The following SMAP1 variants were observed in gnomAD, a reference collection of about 807,000 sequenced individuals.
The protein encoded by SMAP1 is small ArfGAP 1, also known as stromal membrane-associated protein 1.
Under a neutral mutation model 58.5 loss-of-function variants are expected in SMAP1, and 24 were observed. The ratio of observed to expected loss-of-function variants is 0.41; its 90% CI spans 0.30 to 0.58. The LOEUF is 0.58. Among genes scored for constraint, SMAP1 ranks in the 20% least tolerant of loss-of-function variants. The pLI is 0.29. For missense variants in SMAP1, 563 were observed against 566.3 expected (o/e 0.99, Z 0.06); for synonymous variants, 216 against 196.6 (o/e 1.10, Z -0.82).
chr6:70,679,343 A>G (rs1368356281), intron 1 of SMAP1, among the ~76,000 whole-genome samples: 3 of 152,146 alleles, frequency 2.0e-5, no homozygotes, highest in Non-Finnish European at 4.4e-5. Context: ...TATAAGTGGT[A>G]CAGAGTTGGG....
intron 1 of SMAP1, among the ~76,000 whole-genome samples, chr6:70,724,517 ACTT>A (rs1322910604): frequency 6.6e-6 from 1 of 152,208 alleles, no homozygotes; most frequent in African/African-American, 2.4e-5. Context: ...TGTTCTGTGA[ACTT>A]ATTTTTTTGA....
At chr6:70,856,688 A>G (rs552969152) in intron 8 of SMAP1, 171 bp from the exon 9 acceptor site, 1 of 534,492 alleles carries the variant, frequency 1.9e-6, no homozygotes, top group East Asian at 3.0e-5. Context: ...TTGATTGTAG[A>G]TGTTTTTATA....
intron 1 of SMAP1, among the ~76,000 whole-genome samples, chr6:70,695,343 C>T (rs1172783807): frequency 2.6e-5 from 4 of 152,188 alleles, no homozygotes; most frequent in African/African-American, 9.7e-5. Context: ...TGACAGTGGG[C>T]ATCCTTGTCT....
At chr6:70,736,095 T>G (rs186492469) in intron 2 of SMAP1, among the ~76,000 whole-genome samples, 3 of 152,306 alleles carry the variant, frequency 2.0e-5, no homozygotes, top group African/African-American at 7.2e-5. Context: ...TGTACCATAT[T>G]TTTATCTGTT....
rs367987779 is a variant in SMAP1, at chr6:70,807,322, T to C, written c.576+8585T>C. 2.6e-5 allele frequency among the ~76,000 whole-genome samples: 4 copies of C among 152,322 alleles called. No individual in the cohort carries two copies. The East Asian group carries it at 5.8e-4, about 22-fold the overall frequency. On this transcript the variant is annotated intron_variant, in intron 6 of 10. Transcript: ENST00000370455. ...TACTTTTTTTCTGGGAGGAGAAAGG[T>C]AAAACCTAAAAATGTAATGAGTCAA...
intron 1 of SMAP1, 109 bp from the exon 2 acceptor site, chr6:70,732,269 G>A: frequency 8.2e-7 from 1 of 1,225,142 alleles, no homozygotes. Context: ...TGTGACTTCT[G>A]TAAGCTTCCA....
intron 6 of SMAP1, among the ~76,000 whole-genome samples, chr6:70,835,463 T>C (rs1184788011): frequency 2.0e-5 from 3 of 152,146 alleles, no homozygotes; most frequent in Non-Finnish European, 4.4e-5. Flanking sequence ...GAAATGATCT[T>C]GAAATGGTTT....
chr6:70,861,728 T>A lies in SMAP1; in HGVS notation c.*1394T>A. On this transcript the variant is annotated 3_prime_UTR_variant, in exon 11 of 11. Transcript: ENST00000370455. ...TCGTTGGCTAGATTAACCTTCTCTG[T>A]CCGAGTGTGCCACACGAGAACCTGA... 4 of 1,614,126 alleles carry A rather than the reference T, an allele frequency of 2.5e-6. No homozygotes were observed. The highest frequency in any genetic ancestry group is 3.4e-6 in the Non-Finnish European group (4 of 1,179,984).
chr6:70,781,879 T>C (rs770462807), intron 4 of SMAP1, among the ~76,000 whole-genome samples: 3 of 152,190 alleles, frequency 2.0e-5, no homozygotes, highest in Non-Finnish European at 4.4e-5. Flanking sequence ...ATTGTAGTGT[T>C]CTGGGAGTTT....
chr6:70,807,328 C>T (rs1366390054), intron 6 of SMAP1, among the ~76,000 whole-genome samples: 1 of 152,070 alleles, frequency 6.6e-6, no homozygotes. Context: ...AAGGTAAAAC[C>T]TAAAAATGTA....
chr6:70,783,335 A>C (rs1767846323), intron 4 of SMAP1, among the ~76,000 whole-genome samples: 1 of 152,202 alleles, frequency 6.6e-6, no homozygotes, highest in South Asian at 2.1e-4. Context: ...AAGTAGATGA[A>C]ACCACAAAGA....
chr6:70,828,107 A>C (rs540054814), intron 6 of SMAP1, among the ~76,000 whole-genome samples: 10 of 152,272 alleles, frequency 6.6e-5, no homozygotes, highest in Non-Finnish European at 1.0e-4. Flanking sequence ...AAATACAAAC[A>C]GATATAGTAA....
intron 1 of SMAP1, among the ~76,000 whole-genome samples, chr6:70,716,868 A>G (rs1768289306): frequency 6.6e-6 from 1 of 151,966 alleles, no homozygotes; most frequent in Non-Finnish European, 1.5e-5. Flanking sequence ...AGTTTCTGAA[A>G]ATTTACCTGG....
chr6:70,791,835 T>C, intron 5 of SMAP1, 66 bp downstream of exon 5: 2 of 1,364,522 alleles, frequency 1.5e-6, no homozygotes, highest in Non-Finnish European at 2.1e-6. Context: ...CCTTTTGCAG[T>C]GTGTCATTCG....
rs1765469894 is a variant in SMAP1, at chr6:70,732,518, A to G, written c.252+7A>G. ...GACAGCAGAACAGATACAGGTAAAC[A>G]TGACGTTACCAAGAAATTATTTAAA... On this transcript the variant is annotated splice_region_variant and intron_variant, in intron 2 of 10. Coordinates refer to ENST00000370455, the MANE Select transcript of SMAP1 (RefSeq NM_001044305.3). The G allele has an allele frequency of 2.0e-6, 3 of 1,518,260 alleles. No homozygotes were observed. The highest frequency in any genetic ancestry group is 2.3e-5 in the East Asian group (1 of 42,658). The allele number at this position is 1,518,260 out of a possible 1,614,324, so 94.0% of individuals were successfully genotyped here. A position where few individuals can be genotyped will look rare whatever the true frequency, so the allele number is the denominator to read the frequency against.
chr6:70,783,840 A>G (rs528000615), intron 4 of SMAP1, among the ~76,000 whole-genome samples: 2 of 152,338 alleles, frequency 1.3e-5, no homozygotes, highest in Middle Eastern at 3.4e-3. Context: ...TGTACCTGAA[A>G]GTGACGGGGA....
At chr6:70,736,790 G>A (rs1354837502) in intron 2 of SMAP1, among the ~76,000 whole-genome samples, 2 of 151,986 alleles carry the variant, frequency 1.3e-5, no homozygotes, top group African/African-American at 2.4e-5. Flanking sequence ...TCATTTCTCC[G>A]ACAAGTCCAA....
intron 1 of SMAP1, among the ~76,000 whole-genome samples, chr6:70,701,964 T>C (rs1200447921): frequency 6.6e-6 from 1 of 152,192 alleles, no homozygotes. Flanking sequence ...ATTTCACCTT[T>C]GTTTTCAAAA....
At chr6:70,722,792 GTTTAAGAACGCC>G (rs1380591334) in intron 1 of SMAP1, among the ~76,000 whole-genome samples, 2 of 152,374 alleles carry the variant, frequency 1.3e-5, no homozygotes, top group Non-Finnish European at 2.9e-5. Flanking sequence ...ATTTTTTGTG[GTTTAAGAACGCC>G]TTTAAGCGGT....
Sources: gnomAD v4.1 joint callset for allele counts (sites outside exome capture counted in the v4.1 genomes callset) on GRCh38, gnomAD v4.1.1 for gene constraint, MANE v1.5 for transcripts, NCBI Gene and HGNC (gene_info 2026-07-23, HGNC 2026-07-21) for gene names.